ADGRL2: variants seen among roughly 807,000 people sequenced by gnomAD.
The protein encoded by ADGRL2 is calcium-independent alpha-latrotoxin receptor 2.
In ADGRL2, 44 loss-of-function variants were observed where a neutral mutation model predicts 157.4. That is an observed-to-expected ratio of 0.28 (90% confidence interval 0.22 to 0.36). The LOEUF (loss-of-function observed/expected upper bound fraction) is 0.36. ADGRL2 is among the 10% of genes least tolerant of loss of function. The probability of loss-of-function intolerance (pLI) is 1.00; values close to 1 mark genes in which losing one functional copy is unlikely to be tolerated. For synonymous variants in ADGRL2, 585 were observed against 624.7 expected (o/e 0.94, Z 0.95); for missense variants, 1,510 against 1,768.9 (o/e 0.85, Z 2.63).
At chr1:81,699,161 T>C (rs1028967919), upstream of ADGRL2, among the ~76,000 whole-genome samples, 1 of 152,230 alleles carries the variant, frequency 6.6e-6, no homozygotes, top group African/African-American at 2.4e-5. Flanking sequence ...CCTTTTGTTT[T>C]GCAAACAGTT....
In ADGRL2 at chr1:81,392,187, C is replaced by T. The variant is rs190749775; in HGVS notation, c.-301-52849C>T. Among the ~76,000 whole-genome samples, 38 of 148,874 alleles carry T rather than the reference C, an allele frequency of 2.6e-4. No individual in the cohort carries two copies. The Admixed American group carries it at 2.6e-3, about 10-fold the overall frequency. On this transcript the variant is annotated intron_variant, in intron 1 of 24. Transcript: ENST00000370721. ...CTCTACACCATGTGTAAAAAAGCAC[C>T]AAATATATGCCTCTCACACTTCCTC... is the stretch of plus-strand genomic sequence containing the variant.
chr1:81,852,452 G>A (rs531743068), intron 2 of ADGRL2, among the ~76,000 whole-genome samples: 22 of 152,144 alleles, frequency 1.4e-4, no homozygotes, highest in African/African-American at 5.1e-4. Flanking sequence ...TTTTTAAAAA[G>A]CTGTATTCTG....
intron 1 of ADGRL2, among the ~76,000 whole-genome samples, chr1:81,345,349 T>A (rs1662404172): frequency 6.6e-6 from 1 of 152,196 alleles, no homozygotes; most frequent in African/African-American, 2.4e-5. Context: ...TACATTGCCA[T>A]TGCATCTCAA....
chr1:81,679,484 G>T (rs1239902163), intron 3 of ADGRL2, among the ~76,000 whole-genome samples: 2 of 151,988 alleles, frequency 1.3e-5, no homozygotes, highest in Non-Finnish European at 2.9e-5. Flanking sequence ...ACTAGCCTCG[G>T]TTTCCCTATC....
Position 81,985,186 on chromosome 1 carries a change from C to A in ADGRL2, c.3412-73C>A. The A allele has an allele frequency of 3.7e-6, 3 of 818,454 alleles. No homozygotes were observed. The South Asian group carries it at 5.3e-5, about 14-fold the overall frequency. 50.7% of individuals were successfully genotyped at this position (818,454 alleles called of 1,614,324 possible). ...CTACATAGGTTGTTTAGGGTAAATC[C>A]TTGTATGTCTTTAATAAGGTAAGTT... is the stretch of plus-strand genomic sequence containing the variant. On this transcript the variant is annotated intron_variant, in intron 20 of 23. Coordinates refer to ENST00000686636, the MANE Select transcript of ADGRL2 (RefSeq NM_001366006.2).
chr1:81,415,966 G>A (rs888365646), intron 1 of ADGRL2, among the ~76,000 whole-genome samples: 2 of 151,040 alleles, frequency 1.3e-5, no homozygotes, highest in African/African-American at 2.4e-5. Context: ...TCAGCCTCCC[G>A]AGTAGCTGGG....
chr1:81,896,768 A>C (rs374794836), intron 2 of ADGRL2, among the ~76,000 whole-genome samples: 2 of 152,326 alleles, frequency 1.3e-5, no homozygotes, highest in East Asian at 3.9e-4. Context: ...TGAAAAGCTC[A>C]GAGTCCAGTA....
chr1:81,818,626 T>C (rs1400017438), intron 1 of ADGRL2, among the ~76,000 whole-genome samples: 1 of 152,190 alleles, frequency 6.6e-6, no homozygotes, highest in Admixed American at 6.6e-5. Context: ...ATTAATTTTG[T>C]TTAGATCAAC....
chr1:81,540,617 C>T (rs1334368783), intron 2 of ADGRL2, among the ~76,000 whole-genome samples: 2 of 151,888 alleles, frequency 1.3e-5, no homozygotes, highest in African/African-American at 4.8e-5. Context: ...AAGAGCATTC[C>T]AGGCAAAGAG....
At chr1:81,636,670 G>GTTCT (rs2082120715) in intron 3 of ADGRL2, among the ~76,000 whole-genome samples, 1 of 152,102 alleles carries the variant, frequency 6.6e-6, no homozygotes, top group Non-Finnish European at 1.5e-5. Context: ...ATTAATTTAT[G>GTTCT]TTCTCTAGAG....
At chr1:81,983,148 A>G (rs1662139938) in intron 19 of ADGRL2, among the ~76,000 whole-genome samples, 1 of 151,980 alleles carries the variant, frequency 6.6e-6, no homozygotes, top group Non-Finnish European at 1.5e-5. Context: ...TGAGGTAGTC[A>G]TTATTTCCTC....
intron 3 of ADGRL2, among the ~76,000 whole-genome samples, chr1:81,670,501 T>C (rs1375173885): frequency 9.9e-5 from 15 of 152,086 alleles, no homozygotes; most frequent in Non-Finnish European, 2.9e-5. Context: ...TGAGTGTAGA[T>C]GTGAGTCTCT....
chr1:81,675,575 T>G (rs1015394175), intron 3 of ADGRL2, among the ~76,000 whole-genome samples: 22 of 75,638 alleles, frequency 2.9e-4, no homozygotes, highest in Non-Finnish European at 4.4e-4. Context: ...ATAAACTGTT[T>G]TTTTTTTTTT....
chr1:81,322,213 CTG>C (rs1331577273), intron 1 of ADGRL2, among the ~76,000 whole-genome samples: 1 of 150,414 alleles, frequency 6.6e-6, no homozygotes, highest in Non-Finnish European at 1.5e-5. Context: ...TACGCACACA[CTG>C]TATAAACAAA....
intron 1 of ADGRL2, among the ~76,000 whole-genome samples, chr1:81,802,807 C>T (rs571954592): frequency 1.7e-4 from 26 of 152,196 alleles, no homozygotes; most frequent in Middle Eastern, 3.4e-3. Context: ...AGGGCTTGGA[C>T]GAGTTTTTGA....
At chr1:81,979,262 T>G (rs1298124315) in intron 17 of ADGRL2, among the ~76,000 whole-genome samples, 3 of 151,830 alleles carry the variant, frequency 2.0e-5, no homozygotes, top group Non-Finnish European at 4.4e-5. Context: ...ATGTATCTAC[T>G]TCCTTACAAT....
chr1:81,852,037 A>G (rs2093032122), intron 2 of ADGRL2, among the ~76,000 whole-genome samples: 1 of 151,960 alleles, frequency 6.6e-6, no homozygotes, highest in Admixed American at 6.6e-5. Flanking sequence ...CTTGGTAACT[A>G]AAATGTTTGC....
chr1:81,806,774 A>G (rs998204117), intron 1 of ADGRL2, among the ~76,000 whole-genome samples: 2 of 152,168 alleles, frequency 1.3e-5, no homozygotes, highest in Admixed American at 6.5e-5. Flanking sequence ...CGCTTGCCCA[A>G]TGCTGATATT....
intron 1 of ADGRL2, among the ~76,000 whole-genome samples, chr1:81,308,468 G>A (rs893969565): frequency 2.6e-5 from 4 of 152,176 alleles, no homozygotes; most frequent in Non-Finnish European, 4.4e-5. Context: ...CTTGAGACTA[G>A]TGTGAAACTA....
Sources: allele counts gnomAD v4.1 joint callset (sites outside exome capture counted in the v4.1 genomes callset), GRCh38; gene constraint gnomAD v4.1.1; transcripts MANE v1.5; gene names NCBI Gene and HGNC (gene_info 2026-07-23, HGNC 2026-07-21).